Variants in SSBP4 observed in about 807,000 individuals in gnomAD.
SSBP4 encodes single-stranded DNA-binding protein 4.
In SSBP4, 33 loss-of-function variants were observed where a neutral mutation model predicts 64.6. That is an observed-to-expected ratio of 0.51 (90% CI 0.39 to 0.68). SSBP4 has a LOEUF of 0.68. Ranked by LOEUF, SSBP4 falls within the 30% of genes least tolerant of loss-of-function variation. The pLI is 0.00. For missense variants in SSBP4, 583 were observed against 566.8 expected (o/e 1.03, Z -0.29); for synonymous variants, 243 against 224.0 (o/e 1.08, Z -0.76).
upstream of SSBP4, among the ~76,000 whole-genome samples, chr19:18,416,622 T>C (rs1972132668): frequency 1.3e-5 from 2 of 152,168 alleles, no homozygotes; most frequent in South Asian, 4.1e-4. Context: ...TTCCCTGCCA[T>C]CATCCCCCTC....
chr19:18,434,137 C>A, intron 17 of SSBP4, 80 bp from the exon 18 acceptor site: 1 of 1,599,944 alleles, frequency 6.3e-7, no homozygotes, highest in South Asian at 1.1e-5. Context: ...GCCCTGTCCC[C>A]CATTGTCCCT....
Position 18,426,251 on chromosome 19 carries a change from C to T in SSBP4, c.60-1100C>T, listed in dbSNP as rs1408075469. On this transcript the variant is annotated intron_variant, in intron 1 of 17. Transcript: ENST00000270061. The surrounding 1 kb of genome is among the most constrained non-coding windows in gnomAD (Gnocchi z 4.5). ...AAAGGAAGGTTATTTTAGGATGGGG[C>T]CCGCAGCCAGAGAGGGCGGCGCAGC... Among the ~76,000 whole-genome samples the T allele has an allele frequency of 6.6e-6, 1 of 152,072 alleles. No individual in the cohort carries two copies. Among genetic ancestry groups the T allele is most frequent in the Non-Finnish European group, 1.5e-5 (1 of 68,006 alleles).
intron 1 of SSBP4, 31 bp downstream of exon 1, chr19:18,419,738 G>A (rs1445593295): frequency 8.8e-7 from 1 of 1,134,090 alleles, no homozygotes; most frequent in Non-Finnish European, 1.1e-6. Flanking sequence ...GGGGCTCGGC[G>A]TCCGCGCTCT....
chr19:18,408,080 A>G, the SSBP4 span, among the ~76,000 whole-genome samples: 15 of 152,030 alleles, frequency 9.9e-5, no homozygotes, highest in African/African-American at 3.6e-4. Flanking sequence ...GCCACTGAAT[A>G]CCTTTGGGAG....
intron 4 of SSBP4, among the ~76,000 whole-genome samples, chr19:18,429,211 C>T (rs915697133): frequency 9.9e-5 from 15 of 152,130 alleles, no homozygotes; most frequent in Admixed American, 7.2e-4. Flanking sequence ...GGAGGCGGCC[C>T]CTTCCTCTCT....
intron 5 of SSBP4, 126 bp from the exon 6 acceptor site, chr19:18,431,227 A>G (rs1973348458): frequency 6.5e-6 from 4 of 611,028 alleles, no homozygotes; most frequent in Admixed American, 3.0e-5. Flanking sequence ...CCTGCCCTCA[A>G]GCCTTCCCAC....
chr19:18,432,721 C>A lies in SSBP4; in HGVS notation c.772C>A (p.Pro258Thr). The A allele has an allele frequency of 6.3e-7, 1 of 1,586,764 alleles. No homozygotes were observed. The highest frequency in any genetic ancestry group is 1.1e-5 in the South Asian group (1 of 88,038). Residue 258 changes from proline to threonine, a missense_variant, in exon 12 of 18, where the codon CCC becomes ACC. Physicochemically the swap from Pro to Thr is conservative, Grantham distance 38. Coordinates refer to ENST00000270061, the MANE Select transcript of SSBP4 (RefSeq NM_032627.5). ...CCAGATCCCCTACTCCTCCTCATCCCCCGGCAGCTACACCGTAAGTCTGAG... is the reference window on the plus strand; with the variant it reads ...CCAGATCCCCTACTCCTCCTCATCCACCGGCAGCTACACCGTAAGTCTGAG... ...GNSIPYSSSS[P>T]GSYTGPPGGG...
the SSBP4 span, among the ~76,000 whole-genome samples, chr19:18,403,743 C>T: frequency 6.8e-6 from 1 of 147,748 alleles, no homozygotes; most frequent in Non-Finnish European, 1.5e-5. Flanking sequence ...GTGCTGGGGT[C>T]TAGGGATCCA....
intron 17 of SSBP4, 48 bp from the exon 18 acceptor site, chr19:18,434,169 C>G (rs757159886): frequency 1.2e-6 from 2 of 1,608,566 alleles, no homozygotes; most frequent in South Asian, 2.2e-5. Context: ...CCAGCCTCTT[C>G]CGGAGCTGAA....
intron 1 of SSBP4, among the ~76,000 whole-genome samples, chr19:18,420,626 G>A (rs1972385038): frequency 6.6e-6 from 1 of 152,094 alleles, no homozygotes; most frequent in African/African-American, 2.4e-5. Context: ...TTGGGAGGCC[G>A]AGGCGGTCGG....
At position 18,427,266 on chromosome 19, in the gene SSBP4, C is replaced by T. The variant is rs750325257; in HGVS notation, c.60-85C>T. On this transcript the variant is annotated intron_variant, in intron 1 of 17. Transcript: ENST00000270061. The surrounding 1 kb of genome is among the most constrained non-coding windows in gnomAD (Gnocchi z 4.4). ...AGCTGGTGGGGAGGCCACCTTTCCACCCGCCCTCCTGAGAGATGGAGGGGC... is the reference window on the plus strand; with the variant it reads ...AGCTGGTGGGGAGGCCACCTTTCCATCCGCCCTCCTGAGAGATGGAGGGGC... 1 of 1,447,178 alleles carries T rather than the reference C, an allele frequency of 6.9e-7. No individual in the cohort carries two copies. 89.6% of individuals were successfully genotyped at this position (1,447,178 alleles called of 1,614,324 possible). A position where few individuals can be genotyped will look rare whatever the true frequency, so the allele number is the denominator to read the frequency against.
At chr19:18,407,194 C>G in the SSBP4 span, among the ~76,000 whole-genome samples, 1 of 151,890 alleles carries the variant, frequency 6.6e-6, no homozygotes, top group African/African-American at 2.4e-5. Flanking sequence ...CACACCACCA[C>G]GCCTGGCTAA....
chr19:18,427,240 C>T lies in SSBP4; in HGVS notation c.60-111C>T. 2 of 1,066,782 alleles carry T rather than the reference C, an allele frequency of 1.9e-6. No homozygotes were observed. The highest frequency in any genetic ancestry group is 2.5e-5 in the East Asian group (1 of 39,646). The allele number at this position is 1,066,782 out of a possible 1,614,324, so 66.1% of individuals were successfully genotyped here. ...ATAACTATGAGCTGTCCCTGCTGAG[C>T]AGCTGGTGGGGAGGCCACCTTTCCA... On this transcript the variant is annotated intron_variant, in intron 1 of 17. Coordinates refer to ENST00000270061, the MANE Select transcript of SSBP4 (RefSeq NM_032627.5). The surrounding 1 kb of genome is among the most constrained non-coding windows in gnomAD (Gnocchi z 4.4).
chr19:18,433,660 C>CGGG, intron 16 of SSBP4, 47 bp downstream of exon 16: 2 of 640,126 alleles, frequency 3.1e-6, no homozygotes, highest in Non-Finnish European at 3.7e-6. Flanking sequence ...GGGGGGGTGG[C>CGGG]GGGGAGGGGG....
chr19:18,431,136 A>C (rs1224354330), intron 5 of SSBP4, among the ~76,000 whole-genome samples: 1 of 151,972 alleles, frequency 6.6e-6, no homozygotes, highest in Non-Finnish European at 1.5e-5. Flanking sequence ...GTGTCTGTGC[A>C]CTTGGCCTGC....
At chr19:18,430,191 T>C (rs1973236010) in intron 4 of SSBP4, among the ~76,000 whole-genome samples, 3 of 152,016 alleles carry the variant, frequency 2.0e-5, no homozygotes, top group Non-Finnish European at 4.4e-5. Context: ...TCTGCCCTCA[T>C]AGACTGGGCC....
upstream of SSBP4, among the ~76,000 whole-genome samples, chr19:18,418,420 C>T (rs1312201211): frequency 6.6e-6 from 1 of 152,206 alleles, no homozygotes; most frequent in African/African-American, 2.4e-5. This position sits in a 1 kb window ranked among gnomAD's most constrained non-coding sequence, Gnocchi z 6.7. Flanking sequence ...TCTCTGAACA[C>T]CCCTGGTGGG....
upstream of SSBP4, among the ~76,000 whole-genome samples, chr19:18,416,673 C>T (rs1403722274): frequency 2.0e-5 from 3 of 152,262 alleles, no homozygotes; most frequent in Non-Finnish European, 1.5e-5. Flanking sequence ...CCTGGCTCTG[C>T]CTCCAGCGCC....
the SSBP4 span, among the ~76,000 whole-genome samples, chr19:18,402,992 G>A: frequency 6.6e-6 from 1 of 152,184 alleles, no homozygotes; most frequent in Non-Finnish European, 1.5e-5. Flanking sequence ...TGAATGTCTC[G>A]GTATAAAACC....
Sources: allele counts gnomAD v4.1 joint callset (sites outside exome capture counted in the v4.1 genomes callset), GRCh38; gene constraint gnomAD v4.1.1; non-coding constraint Gnocchi (gnomAD v3.1); transcripts MANE v1.5; gene names NCBI Gene and HGNC (gene_info 2026-07-23, HGNC 2026-07-21).